The following GABRR2 variants were observed in gnomAD, a reference collection of about 807,000 sequenced individuals.
GABRR2 encodes gamma-aminobutyric acid receptor subunit rho-2.
GABRR2 carries 36 observed loss-of-function variants against 47.0 expected under a neutral mutation model. The ratio of observed to expected loss-of-function variants is 0.77; its 90% CI spans 0.59 to 1.01. The LOEUF (loss-of-function observed/expected upper bound fraction) is 1.01, where lower values mean the gene tolerates loss of function less well. GABRR2 is among the 50% of genes least tolerant of loss of function. The pLI, the probability that GABRR2 is intolerant of heterozygous loss-of-function variation, is 0.00. For synonymous variants in GABRR2, 204 were observed against 227.5 expected, an observed-to-expected ratio of 0.90 and a Z score of 0.93; for missense variants, 587 against 594.6, an observed-to-expected ratio of 0.99 and a Z score of 0.13.
rs1355861021 is a variant in GABRR2, at chr6:89,292,747, T to C, written c.220+7012A>G. Among the ~76,000 whole-genome samples, 3 of 108,578 alleles carry C rather than the reference T, an allele frequency of 2.8e-5. 1 individual carries two copies. Among genetic ancestry groups the C allele is most frequent in the African/African-American group, 3.9e-5 (1 of 25,346 alleles). 71.2% of individuals were successfully genotyped at this position (108,578 alleles called of 152,430 possible). A position where few individuals can be genotyped will look rare whatever the true frequency, so the allele number is the denominator to read the frequency against. ...ATATCGTATATATCATATATAATCG[T>C]ATATATCGTATATACGATATATCGT... On this transcript the variant is annotated intron_variant, in intron 2 of 8. Transcript: ENST00000402938.
Position 89,265,667 on chromosome 6 carries a change from A to G in GABRR2, c.835T>C (p.Ser279Pro). 1 of 1,614,210 alleles carries G rather than the reference A, an allele frequency of 6.2e-7. No homozygotes were observed. Among genetic ancestry groups the G allele is most frequent in the Non-Finnish European group, 8.5e-7 (1 of 1,180,032 alleles). ...YFPATLMVML[S>P]WVSFWIDRRA... ...CGGTCGATCCAGAAGGACACCCAGG[A>G]CAGCATGACCATCAGAGTGGCAGGG... The change falls in exon 7 of 9, where the codon TCC becomes CCC. Residue 279 changes from serine (S) to proline (P), a missense_variant. Transcript: ENST00000402938.
chr6:89,265,290 A>G (rs924999779), intron 7 of GABRR2, among the ~76,000 whole-genome samples: 1 of 152,168 alleles, frequency 6.6e-6, no homozygotes, highest in Non-Finnish European at 1.5e-5. Context: ...TTGTATTTAC[A>G]GAAGGAATTG....
At chr6:89,279,845 A>G (rs1181030368) in intron 2 of GABRR2, among the ~76,000 whole-genome samples, 1 of 152,150 alleles carries the variant, frequency 6.6e-6, no homozygotes, top group Non-Finnish European at 1.5e-5. Flanking sequence ...TTATCAGGCT[A>G]TCATTAGGAT....
At chr6:89,292,876 C>T (rs1384726564) in intron 2 of GABRR2, among the ~76,000 whole-genome samples, 1 of 134,994 alleles carries the variant, frequency 7.4e-6, no homozygotes, top group African/African-American at 2.7e-5. Context: ...ATCTATATAT[C>T]ATATATAGAG....
At chr6:89,291,519 T>TGCTCCC (rs1284962830) in intron 2 of GABRR2, among the ~76,000 whole-genome samples, 2 of 151,866 alleles carry the variant, frequency 1.3e-5, no homozygotes, top group Non-Finnish European at 2.9e-5. Flanking sequence ...GACCTGCTCC[T>TGCTCCC]GCTCCCTGAC....
At chr6:89,267,523 C>T (rs11969050) in intron 6 of GABRR2, among the ~76,000 whole-genome samples, 156 bp downstream of exon 6, 4,122 of 152,248 alleles carry the variant, frequency 0.027, 200 homozygotes, top group African/African-American at 0.095. Flanking sequence ...ACCATGATTT[C>T]GCCACTACAC....
At position 89,282,237 on chromosome 6, in the gene GABRR2, G is replaced by C. The variant is rs79744369; in HGVS notation, c.221-10515C>G. Among the ~76,000 whole-genome samples, 1,266 of 152,130 alleles carry C rather than the reference G, an allele frequency of 8.3e-3. 13 individuals carry two copies. The highest frequency in any genetic ancestry group is 0.011 in the Non-Finnish European group (760 of 67,998). Reference sequence around the variant, plus strand: ...GAGATCTTGGGCTCCCTCACATACTGATCTTGCTCTCCAGAAGGAAGCAAG... The same window carrying C: ...GAGATCTTGGGCTCCCTCACATACTCATCTTGCTCTCCAGAAGGAAGCAAG... On this transcript the variant is annotated intron_variant, in intron 2 of 8. Transcript: ENST00000402938.
chr6:89,302,987 C>T lies in GABRR2; in HGVS notation c.114-3122G>A, dbSNP rs1432273773. On this transcript the variant is annotated intron_variant, in intron 1 of 8. Coordinates refer to ENST00000402938, the MANE Select transcript of GABRR2 (RefSeq NM_002043.5). ...AAGGGCATGGACGAGATGGAGATCA[C>T]CGAGGCCAAGAGCAACATGAATGAC... 6 of 1,299,768 alleles carry T rather than the reference C, an allele frequency of 4.6e-6. No homozygotes were observed. In the African/African-American group the frequency reaches 6.0e-5, roughly 13 times the overall value. The allele number at this position is 1,299,768 out of a possible 1,614,324, so 80.5% of individuals were successfully genotyped here.
At chr6:89,287,922 C>T (rs1774359325) in intron 2 of GABRR2, among the ~76,000 whole-genome samples, 1 of 152,188 alleles carries the variant, frequency 6.6e-6, no homozygotes, top group African/African-American at 2.4e-5. Context: ...ATAATTATCC[C>T]CACTTTATGA....
chr6:89,291,188 A>G (rs1774434139), intron 2 of GABRR2, among the ~76,000 whole-genome samples: 2 of 151,894 alleles, frequency 1.3e-5, no homozygotes, highest in South Asian at 2.1e-4. Flanking sequence ...CCTCTGTAGC[A>G]TCTCTCAGGT....
chr6:89,290,778 G>A (rs964095092), intron 2 of GABRR2, among the ~76,000 whole-genome samples: 8 of 152,176 alleles, frequency 5.3e-5, no homozygotes, highest in Non-Finnish European at 1.0e-4. Flanking sequence ...CTCCTGCATC[G>A]CTCTTGGCCC....
intron 8 of GABRR2, among the ~76,000 whole-genome samples, chr6:89,260,034 A>T (rs890497549): frequency 6.6e-6 from 1 of 151,812 alleles, no homozygotes; most frequent in African/African-American, 2.4e-5. Flanking sequence ...CAACCTCCCG[A>T]GTAGCTGGGA....
chr6:89,286,343 A>G (rs1774334951), intron 2 of GABRR2, among the ~76,000 whole-genome samples: 1 of 152,190 alleles, frequency 6.6e-6, no homozygotes, highest in Non-Finnish European at 1.5e-5. Flanking sequence ...TCGAATGTAC[A>G]GCAATGTGAC....
intron 1 of GABRR2, chr6:89,302,318 C>G (rs886323315): frequency 7.1e-6 from 4 of 563,116 alleles, no homozygotes; most frequent in Non-Finnish European, 1.4e-5. Flanking sequence ...GTGGTGGAGC[C>G]CTACAACCCC....
At chr6:89,301,942 G>A (rs575433403) in intron 1 of GABRR2, 2 of 981,864 alleles carry the variant, frequency 2.0e-6, no homozygotes, top group South Asian at 1.3e-5. Context: ...CTACAACGAG[G>A]CCTCTTCTCA....
chr6:89,263,116 A>T (rs1562348512), intron 8 of GABRR2, among the ~76,000 whole-genome samples: 1 of 152,098 alleles, frequency 6.6e-6, no homozygotes, highest in East Asian at 1.9e-4. Flanking sequence ...CACCTCTGCC[A>T]CCCCGGAGAC....
chr6:89,306,792 A>AGAGAGAGAAAAGGAAAGAAG (rs1554198999), intron 1 of GABRR2, among the ~76,000 whole-genome samples: 1 of 150,474 alleles, frequency 6.6e-6, no homozygotes, highest in Non-Finnish European at 1.5e-5. Flanking sequence ...ACAAAAAAAA[A>AGAGAGAGAAAAGGAAAGAAG]GAGAGAGAAA....
chr6:89,271,603 G>A (rs1220663492), intron 3 of GABRR2, 52 bp downstream of exon 3: 1 of 1,495,866 alleles, frequency 6.7e-7, no homozygotes, highest in South Asian at 1.2e-5. Context: ...GCACCACCGA[G>A]GCCCACTACA....
intron 2 of GABRR2, 85 bp downstream of exon 2, chr6:89,299,674 G>A (rs1179687326): frequency 7.1e-6 from 6 of 848,162 alleles, no homozygotes; most frequent in Non-Finnish European, 1.0e-5. Flanking sequence ...CTGAGGAAGC[G>A]CTGTGCCAGA....
Sources: allele counts gnomAD v4.1 joint callset (sites outside exome capture counted in the v4.1 genomes callset), GRCh38; gene constraint gnomAD v4.1.1; transcripts MANE v1.5; gene names NCBI Gene and HGNC (gene_info 2026-07-23, HGNC 2026-07-21).